CHLSN: variants seen among roughly 807,000 people sequenced by gnomAD.
The protein encoded by CHLSN is protein cholesin.
the CHLSN span, among the ~76,000 whole-genome samples, chr7:1,051,236 C>A: frequency 2.0e-5 from 3 of 152,250 alleles, no homozygotes; most frequent in Non-Finnish European, 4.4e-5. Flanking sequence ...CACTGTGTCC[C>A]AACCCCGGTC....
At chr7:1,018,584 G>A in the CHLSN span, among the ~76,000 whole-genome samples, 2 of 151,220 alleles carry the variant, frequency 1.3e-5, no homozygotes, top group African/African-American at 4.9e-5. Flanking sequence ...AGGTGTGCAC[G>A]CGGGCGGGTG....
chr7:987,726 G>A, the CHLSN span, among the ~76,000 whole-genome samples: 1 of 152,210 alleles, frequency 6.6e-6, no homozygotes, highest in Non-Finnish European at 1.5e-5. Flanking sequence ...ACTTGGCCTG[G>A]CCAGCAGACC....
At chr7:1,027,072 C>T in the CHLSN span, 4 of 152,202 alleles carry the variant, frequency 2.6e-5, no homozygotes, top group Non-Finnish European at 5.9e-5. Context: ...AACATGTTAC[C>T]GCCTCTAAAA....
At chr7:991,650 G>C in the CHLSN span, among the ~76,000 whole-genome samples, 1 of 152,250 alleles carries the variant, frequency 6.6e-6, no homozygotes, top group Admixed American at 6.5e-5. Context: ...GGATGGGACA[G>C]GCCACTGTCT....
At chr7:1,016,310 C>T in the CHLSN span, among the ~76,000 whole-genome samples, 13 of 62,502 alleles carry the variant, frequency 2.1e-4, 3 homozygotes, top group South Asian at 4.8e-4. Flanking sequence ...CACATAGCAG[C>T]ACAGCAGCAC....
the CHLSN span, among the ~76,000 whole-genome samples, chr7:1,022,417 CAATT>C: frequency 6.6e-6 from 1 of 152,236 alleles, no homozygotes; most frequent in East Asian, 1.9e-4. Flanking sequence ...TTTGTCACCT[CAATT>C]ATTAGAATCC....
At chr7:1,086,032 G>A in the CHLSN span, among the ~76,000 whole-genome samples, 1 of 152,172 alleles carries the variant, frequency 6.6e-6, no homozygotes, top group Non-Finnish European at 1.5e-5. Context: ...GGAGAAGGCT[G>A]CGCTCCAAGA....
chr7:1,070,815 C>G, the CHLSN span, among the ~76,000 whole-genome samples: 2,409 of 71,942 alleles, frequency 0.033, 75 homozygotes, highest in African/African-American at 0.16. Flanking sequence ...GCACACACAT[C>G]CACACGTGCA....
the CHLSN span, chr7:997,421 G>A: frequency 9.6e-6 from 5 of 519,110 alleles, no homozygotes; most frequent in African/African-American, 8.1e-5. Flanking sequence ...AGCCGTCACC[G>A]GCCAAGGAGG....
the CHLSN span, chr7:1,028,366 C>A: frequency 3.0e-6 from 3 of 989,600 alleles, no homozygotes; most frequent in Middle Eastern, 5.2e-4. Flanking sequence ...CGCCTCCACA[C>A]TGCGCATGCC....
chr7:988,642 C>G, the CHLSN span: 1 of 1,602,668 alleles, frequency 6.2e-7, no homozygotes, highest in East Asian at 2.2e-5. Context: ...CAGGCCGCCG[C>G]GTCTGTGTTG....
the CHLSN span, among the ~76,000 whole-genome samples, chr7:1,053,655 T>C: frequency 9.3e-3 from 1,416 of 152,218 alleles, 25 homozygotes; most frequent in African/African-American, 0.033. Flanking sequence ...TGGAGAAACC[T>C]TGTCTCTACT....
chr7:1,050,723 C>T, the CHLSN span, among the ~76,000 whole-genome samples: 1 of 152,244 alleles, frequency 6.6e-6, no homozygotes, highest in African/African-American at 2.4e-5. Context: ...AAGACCCCAC[C>T]TTCTATCCTC....
chr7:1,081,271 C>A, the CHLSN span, among the ~76,000 whole-genome samples: 1 of 152,198 alleles, frequency 6.6e-6, no homozygotes, highest in Admixed American at 6.5e-5. Flanking sequence ...ACCAGACTGA[C>A]CTTGCCAGGC....
At chr7:1,128,768 C>T in the CHLSN span, among the ~76,000 whole-genome samples, 89 of 23,088 alleles carry the variant, frequency 3.9e-3, 3 homozygotes, top group African/African-American at 0.064. Flanking sequence ...GGCGCCATCT[C>T]GGCTCATCGC....
At chr7:1,023,854 C>G in the CHLSN span, among the ~76,000 whole-genome samples, 6 of 152,146 alleles carry the variant, frequency 3.9e-5, no homozygotes, top group Non-Finnish European at 7.4e-5. This position sits in a 1 kb window ranked among gnomAD's most constrained non-coding sequence, Gnocchi z 5.0. Flanking sequence ...CAGCCCTTTC[C>G]TTTTGATACA....
At chr7:1,058,026 G>A in the CHLSN span, 1 of 769,518 alleles carries the variant, frequency 1.3e-6, no homozygotes, top group Non-Finnish European at 2.4e-6. Context: ...CTGCAGCCAT[G>A]TGTCCACCCG....
At chr7:1,058,145 C>G in the CHLSN span, 8 of 741,922 alleles carry the variant, frequency 1.1e-5, no homozygotes, top group South Asian at 1.1e-4. Flanking sequence ...TGGTGCTACT[C>G]TCCCGCGTCC....
chr7:1,036,522 G>A, the CHLSN span, among the ~76,000 whole-genome samples: 11 of 152,000 alleles, frequency 7.2e-5, no homozygotes, highest in African/African-American at 1.2e-4. Context: ...TGGTGTGGCC[G>A]TGTAGGGTCA....
Sources: allele counts gnomAD v4.1 joint callset (sites outside exome capture counted in the v4.1 genomes callset), GRCh38; gene constraint gnomAD v4.1.1; non-coding constraint Gnocchi (gnomAD v3.1); transcripts MANE v1.5; gene names NCBI Gene and HGNC (gene_info 2026-07-23, HGNC 2026-07-21).